The following VWA5A variants were observed in gnomAD, a reference collection of about 807,000 sequenced individuals.
The protein encoded by VWA5A is von Willebrand factor A domain-containing protein 5A.
A neutral mutation model predicts 84.6 loss-of-function variants in VWA5A; 77 were observed. That is an observed-to-expected ratio of 0.91 (90% CI 0.76 to 1.10). VWA5A has a LOEUF of 1.10. VWA5A is among the 50% of genes least tolerant of loss of function. The pLI is 0.00. For synonymous variants in VWA5A, 334 were observed against 350.1 expected (o/e 0.95, Z 0.51); for missense variants, 973 against 963.0 (o/e 1.01, Z -0.14).
At chr11:124,142,297 G>A (rs1343556338) in intron 16 of VWA5A, 145 bp from the exon 17 acceptor site, 18 of 1,117,538 alleles carry the variant, frequency 1.6e-5, no homozygotes, top group Admixed American at 7.8e-5. Context: ...TTTGAAGACC[G>A]ATCTTCTGGA....
chr11:124,142,947 ATTAAT>A (rs1179517271), intron 17 of VWA5A, among the ~76,000 whole-genome samples: 1 of 152,230 alleles, frequency 6.6e-6, no homozygotes, highest in Non-Finnish European at 1.5e-5. Flanking sequence ...TATTTCACAC[ATTAAT>A]TTAATAAGGT....
rs766949262 is a variant in VWA5A at position 124,117,728 on chromosome 11, G to A, written c.99G>A (p.Val33=). The change falls in exon 4 of 19, where the codon GTG becomes GTA. Residue 33 remains valine (V), a synonymous_variant. Coordinates refer to ENST00000456829, the MANE Select transcript of VWA5A (RefSeq NM_001130142.2). ...SVNIYEFVAG[V]SATLNYENEE... is the part of the protein sequence containing the mutation. ...ACATTTACGAGTTTGTGGCTGGTGT[G>A]TCTGCAACTTTGAACTACGAGAATG... 4.1e-5 allele frequency: 66 copies of A among 1,614,196 alleles called. No homozygotes were observed. In the East Asian group the frequency reaches 5.1e-4, roughly 13 times the overall value.
intron 1 of VWA5A, chr11:124,115,966 A>G (rs1864821504): frequency 6.6e-6 from 1 of 152,244 alleles, no homozygotes; most frequent in African/African-American, 2.4e-5. Context: ...TGGAAAGGTT[A>G]AATCAATCTC....
At chr11:124,123,630 C>A (rs369164205) in intron 9 of VWA5A, 30 bp from the exon 10 acceptor site, 1 of 1,613,998 alleles carries the variant, frequency 6.2e-7, no homozygotes, top group Non-Finnish European at 8.5e-7. Context: ...AAGTAACCCT[C>A]ATGTAACTGG....
chr11:124,128,212 G>C (rs1424749561), intron 11 of VWA5A, among the ~76,000 whole-genome samples: 4 of 152,140 alleles, frequency 2.6e-5, no homozygotes. Flanking sequence ...AAGGGATCCA[G>C]TTTCAGTTTT....
intron 11 of VWA5A, among the ~76,000 whole-genome samples, chr11:124,133,462 G>C (rs2212470): frequency 0.15 from 22,709 of 152,078 alleles, 2,345 homozygotes; most frequent in East Asian, 0.52. Flanking sequence ...TCTTCTCCCA[G>C]GTCTTGGCCT....
chr11:124,124,946 C>CA (rs34521387), intron 11 of VWA5A: 106,442 of 152,076 alleles, frequency 0.7, 38,280 homozygotes, highest in African/African-American at 0.89. Flanking sequence ...TAGTATTCCA[C>CA]AAAATGACTA....
rs1255511005 is a variant in VWA5A at position 124,136,638 on chromosome 11, A to G, written c.1589A>G (p.Lys530Arg). The G allele has an allele frequency of 2.5e-6, 4 of 1,614,104 alleles. No homozygotes were observed. Among genetic ancestry groups the G allele is most frequent in the Middle Eastern group, 1.6e-4 (1 of 6,062 alleles). Residue 530 changes from lysine (K) to arginine (R), a missense_variant, in exon 14 of 19, where the codon AAG becomes AGG. Physicochemically the swap from Lys to Arg is conservative, Grantham distance 26 (BLOSUM62 2). Transcript: ENST00000456829. ...CTCCAGGGCAAGACTTTTGAGGATA[A>G]GGTGACATTTCCTCTACAACCCAAG... is the stretch of plus-strand genomic sequence containing the variant. ...YTLQGKTFEDKVTFPLQPKPD... is the reference protein window; with the variant it reads ...YTLQGKTFEDRVTFPLQPKPD...
rs1427872966 is a variant in VWA5A, at chr11:124,136,252, C to T, written c.1483C>T (p.Gln495Ter). 1 of 1,614,046 alleles carries T rather than the reference C, an allele frequency of 6.2e-7. No homozygotes were observed. Among genetic ancestry groups the T allele is most frequent in the Non-Finnish European group, 8.5e-7 (1 of 1,180,034 alleles). ...AGAACAGACTGTCATCTTTAGGGGTCAGAGATTAATCAGCTATGCCCAGCT... is the reference window on the plus strand; with the variant it reads ...AGAACAGACTGTCATCTTTAGGGGTTAGAGATTAATCAGCTATGCCCAGCT... The part of the protein sequence containing the change: ...SPEQTVIFRG[Q>*]RLISYAQLTG... The change falls in exon 13 of 19, where the codon CAG becomes TAG. Residue 495 changes from glutamine (Q) to a stop codon, truncating the protein, a stop_gained. Coordinates refer to ENST00000456829, the MANE Select transcript of VWA5A (RefSeq NM_001130142.2). LOFTEE classifies it high-confidence loss of function.
In VWA5A at chr11:124,147,620, ACTT is replaced by A. The variant is rs1479295591; in HGVS notation, c.*1676_*1678del. 2 of 152,226 alleles carry A rather than the reference ACTT, an allele frequency of 1.3e-5. No homozygotes were observed. The highest frequency in any genetic ancestry group is 6.5e-5 in the Admixed American group (1 of 15,284). The allele number at this position is 152,226 out of a possible 1,614,324, so 9.4% of individuals were successfully genotyped here. On this transcript the variant is annotated 3_prime_UTR_variant, in exon 19 of 19. Transcript: ENST00000456829. ...AGAATTTTAATCGATACCAGGAACT[ACTT>A]TATTTAACAAGGCTCCCAGGTATCA...
chr11:124,116,145 CCTGAAGCAGCTACCTGG>C (rs1206629668), intron 1 of VWA5A: 1 of 152,342 alleles, frequency 6.6e-6, no homozygotes, highest in Non-Finnish European at 1.5e-5. Context: ...ACTCTGCATT[CCTGAAGCAGCTACCTGG>C]CTAGGCCGGA....
intron 4 of VWA5A, 143 bp downstream of exon 4, chr11:124,118,018 C>G (rs1028750321): frequency 4.6e-6 from 6 of 1,301,112 alleles, no homozygotes; most frequent in Non-Finnish European, 5.2e-6. Context: ...TCTTTTCTAA[C>G]TGCCATTTTT....
At position 124,145,381 on chromosome 11, in the gene VWA5A, AGGCCTGTCTCCTTCCCCTTCCCT is replaced by A. The variant is rs946815786; in HGVS notation, c.2281+25_2281+47del. 5 of 1,597,978 alleles carry A rather than the reference AGGCCTGTCTCCTTCCCCTTCCCT, an allele frequency of 3.1e-6. No individual in the cohort carries two copies. The highest frequency in any genetic ancestry group is 4.3e-6 in the Non-Finnish European group (5 of 1,171,908). ...CCATGCAGGTAGGAGCACAATCCTAAGGCCTGTCTCCTTCCCCTTCCCTGGCCTGGCGGAAGGTGACCACAAGA... is the reference window on the plus strand; with the variant it reads ...CCATGCAGGTAGGAGCACAATCCTAAGGCCTGGCGGAAGGTGACCACAAGA... On this transcript the variant is annotated intron_variant, in intron 18 of 18. Coordinates refer to ENST00000456829, the MANE Select transcript of VWA5A (RefSeq NM_001130142.2).
chr11:124,118,090 A>AG, intron 4 of VWA5A, 99 bp from the exon 5 acceptor site: 1 of 1,347,618 alleles, frequency 7.4e-7, no homozygotes, highest in South Asian at 1.4e-5. Flanking sequence ...TGATTAGACA[A>AG]GACCAATCAC....
At chr11:124,117,647 G>A (rs756968783) in intron 3 of VWA5A, 26 bp from the exon 4 acceptor site, 1 of 1,614,182 alleles carries the variant, frequency 6.2e-7, no homozygotes, top group Non-Finnish European at 8.5e-7. Context: ...GAAGCTTGAT[G>A]AACTTGAACT....
At chr11:124,140,462 ATT>A (rs1183679044) in intron 15 of VWA5A, among the ~76,000 whole-genome samples, 1 of 146,760 alleles carries the variant, frequency 6.8e-6, no homozygotes, top group Non-Finnish European at 1.5e-5. Context: ...AAAACTAGGA[ATT>A]TTTAAATTTT....
Position 124,141,682 on chromosome 11 carries a change from TC to T in VWA5A, c.1966del (p.Gln656ArgfsTer10). On this transcript the variant is annotated frameshift_variant, in exon 16 of 19. Transcript: ENST00000456829. LOFTEE classifies it high-confidence loss of function. ...CTTATGTGTTATAAGGCCAAGACAT[TC>T]CAGATGGACGATTACAGTCTCTGTG... Reference protein sequence around the residue: ...GELMCYKAKTFQMDDYSLCGL... With the variant: ...GELMCYKAKTXQMDDYSLCGL... The T allele has an allele frequency of 6.2e-7, 1 of 1,614,106 alleles. No homozygotes were observed. Among genetic ancestry groups the T allele is most frequent in the East Asian group, 2.2e-5 (1 of 44,866 alleles).
At position 124,118,926 on chromosome 11, in the gene VWA5A, G is replaced by A. The variant is rs750867737; in HGVS notation, c.646-49G>A. The A allele has an allele frequency of 3.2e-6, 5 of 1,580,286 alleles. No individual in the cohort carries two copies. The Admixed American group carries it at 6.9e-5, about 22-fold the overall frequency. On this transcript the variant is annotated intron_variant, in intron 6 of 18. Transcript: ENST00000456829. Reference sequence around the variant, plus strand: ...TGCGCCCTAACCTCAGCCCCAAGAAGCAAGAAGTTATGATTCTAATGTGGC... The same window carrying A: ...TGCGCCCTAACCTCAGCCCCAAGAAACAAGAAGTTATGATTCTAATGTGGC...
intron 1 of VWA5A, chr11:124,115,834 A>T (rs1001138037): frequency 1.1e-4 from 16 of 152,104 alleles, no homozygotes; most frequent in African/African-American, 3.9e-4. Flanking sequence ...AGCTGAGGAA[A>T]TGAGGCTGTA....
Sources: allele counts gnomAD v4.1 joint callset (sites outside exome capture counted in the v4.1 genomes callset), GRCh38; gene constraint gnomAD v4.1.1; transcripts MANE v1.5; gene names NCBI Gene and HGNC (gene_info 2026-07-23, HGNC 2026-07-21).